TCF7: variants seen among roughly 807,000 people sequenced by gnomAD.
TCF7 encodes T-cell-factor-7.
Under a neutral mutation model 46.8 loss-of-function variants are expected in TCF7, and 19 were observed. The ratio of observed to expected loss-of-function variants is 0.41; its 90% CI spans 0.28 to 0.60. The LOEUF is 0.60. TCF7 is among the 20% of genes least tolerant of loss of function. The pLI is 0.35. For missense variants in TCF7, 547 were observed against 504.6 expected (o/e 1.08, Z -0.81); for synonymous variants, 245 against 213.4 (o/e 1.15, Z -1.29).
chr5:134,137,979 G>T, intron 3 of TCF7, 80 bp from the exon 4 acceptor site: 1 of 1,197,048 alleles, frequency 8.4e-7, no homozygotes, highest in Non-Finnish European at 1.2e-6. Context: ...TTGACAGCTG[G>T]GCTTCCTGTA....
chr5:134,116,117 C>T (rs1164616724), intron 3 of TCF7, 84 bp downstream of exon 3: 1 of 1,502,474 alleles, frequency 6.7e-7, no homozygotes, highest in South Asian at 1.3e-5. Context: ...AGACTTCTGC[C>T]TGGAACAAAA....
chr5:134,145,080 GAGAAAGACAC>G (rs1760488845), intron 9 of TCF7: 2 of 640,362 alleles, frequency 3.1e-6, no homozygotes, highest in African/African-American at 3.6e-5. Context: ...GAGGATTGGA[GAGAAAGACAC>G]AGAATGTTCC....
chr5:134,146,441 C>CCAGGGCCCCCA lies in TCF7; in HGVS notation c.*143_*153dup, dbSNP rs1442279760. The CCAGGGCCCCCA allele has an allele frequency of 9.6e-7, 1 of 1,046,578 alleles. No individual in the cohort carries two copies. The highest frequency in any genetic ancestry group is 1.8e-5 in the Admixed American group (1 of 54,498). The allele number at this position is 1,046,578 out of a possible 1,614,324, so 64.8% of individuals were successfully genotyped here. A position where few individuals can be genotyped will look rare whatever the true frequency, so the allele number is the denominator to read the frequency against. ...CTCCACTGCTCTCAGCCTCCCAACCCCAGGGCCCCCACAGGCCCCCCGCAG... is the reference window on the plus strand; with the variant it reads ...CTCCACTGCTCTCAGCCTCCCAACCCCAGGGCCCCCACAGGGCCCCCACAGGCCCCCCGCAG... On this transcript the variant is annotated 3_prime_UTR_variant, in exon 10 of 10. Transcript: ENST00000342854.
At chr5:134,115,751 C>T in intron 2 of TCF7, 158 bp from the exon 3 acceptor site, 1 of 1,459,704 alleles carries the variant, frequency 6.9e-7, no homozygotes. Flanking sequence ...AGGTCCTTCC[C>T]CTAAAACTTG....
chr5:134,110,285 G>A (rs1428940132), upstream of TCF7, among the ~76,000 whole-genome samples: 1 of 152,146 alleles, frequency 6.6e-6, no homozygotes, highest in Non-Finnish European at 1.5e-5. Flanking sequence ...CTTGGTTATT[G>A]TATGAAGTCC....
chr5:134,122,827 T>C (rs895974671), intron 3 of TCF7, among the ~76,000 whole-genome samples: 4 of 152,132 alleles, frequency 2.6e-5, no homozygotes, highest in Non-Finnish European at 2.9e-5. Flanking sequence ...CCACCCCCAA[T>C]GGTACAGTGC....
chr5:134,132,665 C>T (rs1758304294), intron 3 of TCF7, among the ~76,000 whole-genome samples: 1 of 150,604 alleles, frequency 6.6e-6, no homozygotes, highest in African/African-American at 2.5e-5. Context: ...ACACAGCCTG[C>T]GAGCAGACCG....
At chr5:134,117,574 T>C (rs1328472674) in intron 3 of TCF7, among the ~76,000 whole-genome samples, 1 of 152,134 alleles carries the variant, frequency 6.6e-6, no homozygotes, top group Non-Finnish European at 1.5e-5. Flanking sequence ...GGTCATCTCA[T>C]GGTGTGGGCA....
chr5:134,121,605 C>G (rs888103662), intron 3 of TCF7, among the ~76,000 whole-genome samples: 11 of 148,862 alleles, frequency 7.4e-5, no homozygotes, highest in Non-Finnish European at 1.6e-4. Context: ...AAAAAAAATG[C>G]AAAAAACCCT....
chr5:134,115,444 G>A lies in TCF7; in HGVS notation c.316+57G>A, dbSNP rs1755668195. On this transcript the variant is annotated intron_variant, in intron 2 of 9. Transcript: ENST00000342854. ...TCGCGCTCAGGCCCTGGCCTCGGTG[G>A]GACGGGGACGCCAAGGACCGCGGGG... is the stretch of plus-strand genomic sequence containing the variant. 5.8e-6 allele frequency: 9 copies of A among 1,546,216 alleles called. No homozygotes were observed. The Admixed American group carries it at 1.6e-4, about 27-fold the overall frequency.
intron 5 of TCF7, chr5:134,140,781 C>G (rs773011278): frequency 4.4e-6 from 2 of 455,790 alleles, no homozygotes; most frequent in South Asian, 3.1e-5. Context: ...TAACAGCTAT[C>G]TCTCCCAACC....
chr5:134,144,832 G>C, intron 9 of TCF7: 9 of 1,614,192 alleles, frequency 5.6e-6, no homozygotes, highest in Non-Finnish European at 7.6e-6. Context: ...TGCTCGCTTT[G>C]GCCTCAACCA....
intron 3 of TCF7, among the ~76,000 whole-genome samples, chr5:134,125,413 A>C (rs1757212791): frequency 2.0e-5 from 3 of 152,272 alleles, no homozygotes; most frequent in African/African-American, 7.2e-5. Flanking sequence ...CTCCCTTGCC[A>C]GGGAGCCCCG....
chr5:134,146,276 C>A lies in TCF7; in HGVS notation c.1128C>A (p.Ala376=), dbSNP rs780835466. 6.2e-7 allele frequency: 1 copy of A among 1,614,172 alleles called. No individual in the cohort carries two copies. The highest frequency in any genetic ancestry group is 1.7e-5 in the Admixed American group (1 of 60,028). ...GTYPEKAAAP[A]PFLPMTVL Reference sequence around the variant, plus strand: ...ACCCGGAGAAGGCCGCTGCCCCAGCCCCGTTCCTTCCGATGACAGTGCTCT... The same window carrying A: ...ACCCGGAGAAGGCCGCTGCCCCAGCACCGTTCCTTCCGATGACAGTGCTCT... The change falls in exon 10 of 10, where the codon GCC becomes GCA. Residue 376 remains alanine, a synonymous_variant. Transcript: ENST00000342854.
intron 3 of TCF7, among the ~76,000 whole-genome samples, chr5:134,129,771 C>T (rs1451841179): frequency 6.6e-6 from 1 of 152,250 alleles, no homozygotes; most frequent in African/African-American, 2.4e-5. Context: ...AGGCTGCATG[C>T]AGGGACTCCA....
intron 3 of TCF7, among the ~76,000 whole-genome samples, chr5:134,121,280 T>G (rs2149283890): frequency 6.6e-6 from 1 of 151,332 alleles, no homozygotes; most frequent in East Asian, 1.9e-4. Context: ...AGCTGTTTTG[T>G]TTCAAAAAAA....
intron 3 of TCF7, among the ~76,000 whole-genome samples, chr5:134,122,773 G>T (rs930323395): frequency 6.6e-6 from 1 of 152,184 alleles, no homozygotes; most frequent in Non-Finnish European, 1.5e-5. Flanking sequence ...TACAAACAAG[G>T]CTCTGGTGGA....
At chr5:134,145,848 A>T in intron 9 of TCF7, 1 of 1,610,496 alleles carries the variant, frequency 6.2e-7, no homozygotes. Context: ...CAAGGAAGCC[A>T]TAGGCATTGC....
upstream of TCF7, among the ~76,000 whole-genome samples, chr5:134,110,283 TTG>T (rs1226697240): frequency 6.6e-6 from 1 of 152,230 alleles, no homozygotes; most frequent in Non-Finnish European, 1.5e-5. Context: ...TTCTTGGTTA[TTG>T]TATGAAGTCC....
Sources: allele counts gnomAD v4.1 joint callset (sites outside exome capture counted in the v4.1 genomes callset), GRCh38; gene constraint gnomAD v4.1.1; transcripts MANE v1.5; gene names NCBI Gene and HGNC (gene_info 2026-07-23, HGNC 2026-07-21).